Variants in GOLGA8S observed in about 807,000 individuals in gnomAD.
GOLGA8S encodes the protein golgin A8 family member S, also known as golgin subfamily A member 8S.
A neutral mutation model predicts 58.9 loss-of-function variants in GOLGA8S; 23 were observed. The observed-to-expected ratio is 0.39, with a 90% CI of 0.28 to 0.55. The LOEUF (loss-of-function observed/expected upper bound fraction) is 0.55. GOLGA8S is among the 20% of genes least tolerant of loss of function. The probability of loss-of-function intolerance (pLI) is 0.63; values close to 1 mark genes in which losing one functional copy is unlikely to be tolerated. For synonymous variants in GOLGA8S, 84 were observed against 195.7 expected, an observed-to-expected ratio of 0.43 and a Z score of 4.76; for missense variants, 266 against 514.2, an observed-to-expected ratio of 0.52 and a Z score of 4.67.
downstream of GOLGA8S, chr15:23,366,065 T>C (rs1286707112): frequency 6.6e-6 from 1 of 151,078 alleles, no homozygotes; most frequent in African/African-American, 2.4e-5. Flanking sequence ...TCATGTTACC[T>C]GTTTTAATCA....
At chr15:23,365,747 G>A (rs2141032114), downstream of GOLGA8S, 1 of 169,356 alleles carries the variant, frequency 5.9e-6, no homozygotes, top group African/African-American at 2.4e-5. Flanking sequence ...GAAACCTTTT[G>A]AGGGAGCTTT....
At chr15:23,364,995 G>T (rs1196868643) in exon 19 of GOLGA8S, 2 of 1,576,222 alleles carry the variant, frequency 1.3e-6, no homozygotes, top group Non-Finnish European at 1.7e-6. Context: ...TCTGCCCAAG[G>T]AGAGGCCAGG....
chr15:23,364,477 TACAGGGCC>T (rs2069874931), intron 16 of GOLGA8S, 34 bp downstream of exon 16: 1 of 1,605,058 alleles, frequency 6.2e-7, no homozygotes, highest in Non-Finnish European at 8.5e-7. Context: ...CAGGGGGAGC[TACAGGGCC>T]GTCGGAGGGG....
Position 23,360,712 on chromosome 15 carries a change from C to G in GOLGA8S, c.787-16C>G. The G allele has an allele frequency of 5.6e-6, 6 of 1,076,344 alleles. No homozygotes were observed. Among genetic ancestry groups the G allele is most frequent in the Non-Finnish European group, 8.7e-6 (6 of 692,982 alleles). The allele number at this position is 1,076,344 out of a possible 1,614,324, so 66.7% of individuals were successfully genotyped here. A position where few individuals can be genotyped will look rare whatever the true frequency, so the allele number is the denominator to read the frequency against. ...GCCCCTCTCTCCAGGGCCCTTTCCC[C>G]CTGTGCTTTGGGCAGGTTTGCTCGT... On this transcript the variant is annotated splice_polypyrimidine_tract_variant and intron_variant, in intron 10 of 18. Coordinates refer to ENST00000562295, the Ensembl canonical transcript of GOLGA8S.
chr15:23,365,338 G>A, downstream of GOLGA8S: 6 of 627,474 alleles, frequency 9.6e-6, 1 homozygote, highest in South Asian at 1.2e-4. Context: ...GTTCACTCTG[G>A]CATCCTTTAG....
chr15:23,360,736 G>A lies in GOLGA8S; in HGVS notation c.795G>A (p.Ser265=), dbSNP rs375110315. The A allele has an allele frequency of 4.6e-5, 50 of 1,098,660 alleles. 2 individuals are homozygous for A. Among genetic ancestry groups the A allele is most frequent in the East Asian group, 3.0e-4 (13 of 42,672 alleles). 68.1% of individuals were successfully genotyped at this position (1,098,660 alleles called of 1,614,324 possible). Reference sequence around the variant, plus strand: ...CCCTGTGCTTTGGGCAGGTTTGCTCGTTGAAGAAGGAGAAGAAGCATGATA... The same window carrying A: ...CCCTGTGCTTTGGGCAGGTTTGCTCATTGAAGAAGGAGAAGAAGCATGATA... The change falls in exon 11 of 19, where the codon TCG becomes TCA. Residue 265 remains serine, a synonymous_variant. Coordinates refer to ENST00000562295, the Ensembl canonical transcript of GOLGA8S.
chr15:23,361,068 G>A (rs528057098), intron 11 of GOLGA8S, among the ~76,000 whole-genome samples, 153 bp from the exon 12 acceptor site: 11 of 150,052 alleles, frequency 7.3e-5, no homozygotes, highest in East Asian at 5.8e-4. Flanking sequence ...ATCTGGGTGC[G>A]AGGAATCATT....
chr15:23,359,917 G>A (rs1176111609), intron 8 of GOLGA8S, among the ~76,000 whole-genome samples: 1 of 148,872 alleles, frequency 6.7e-6, no homozygotes, highest in Non-Finnish European at 1.5e-5. Context: ...CATGGTGGTT[G>A]TGAGGATTAA....
chr15:23,365,375 G>A (rs2069903324), downstream of GOLGA8S: 1 of 616,974 alleles, frequency 1.6e-6, no homozygotes, highest in Admixed American at 3.0e-5. Context: ...TTTCATAATT[G>A]TAGGTCATTA....
rs1219563247 is a variant in GOLGA8S, at chr15:23,364,498, C to T, written c.1449-28C>T. 3.1e-6 allele frequency: 5 copies of T among 1,605,160 alleles called. No individual in the cohort carries two copies. In the East Asian group the frequency reaches 1.1e-4, roughly 36 times the overall value. On this transcript the variant is annotated intron_variant, in intron 16 of 18. Transcript: ENST00000562295. ...GAGCTACAGGGCCGTCGGAGGGGCC[C>T]CAGCGTCTGAGCCCTGTCCTCCCGC... is the stretch of plus-strand genomic sequence containing the variant.
chr15:23,360,926 A>T (rs1479587347), intron 11 of GOLGA8S, 111 bp downstream of exon 11: 1 of 792,820 alleles, frequency 1.3e-6, no homozygotes, highest in African/African-American at 1.7e-5. Flanking sequence ...AGGCAGAGGG[A>T]AAGAGGTCTG....
chr15:23,361,105 G>C (rs1167606187), intron 11 of GOLGA8S, 116 bp from the exon 12 acceptor site: 15 of 988,778 alleles, frequency 1.5e-5, no homozygotes, highest in South Asian at 1.3e-4. Flanking sequence ...TTGAGGAGCC[G>C]GAGAGGAGCT....
chr15:23,357,837 G>A (rs1468452999), intron 4 of GOLGA8S, among the ~76,000 whole-genome samples: 1 of 150,068 alleles, frequency 6.7e-6, no homozygotes, highest in East Asian at 1.9e-4. Context: ...GCCCCTGCTC[G>A]AGTCCTTGCT....
At chr15:23,365,089 T>C in exon 19 of GOLGA8S, 1 of 1,583,292 alleles carries the variant, frequency 6.3e-7, no homozygotes, top group African/African-American at 1.4e-5. Context: ...ACAACTGCTG[T>C]GTGCCATTCT....
chr15:23,364,809 C>G lies in GOLGA8S; in HGVS notation c.1637C>G (p.Pro546Arg), dbSNP rs963667240. The G allele has an allele frequency of 2.0e-5, 30 of 1,518,050 alleles. No homozygotes were observed. The Admixed American group carries it at 4.8e-4, about 24-fold the overall frequency. The allele number at this position is 1,518,050 out of a possible 1,614,324, so 94.0% of individuals were successfully genotyped here. A position where few individuals can be genotyped will look rare whatever the true frequency, so the allele number is the denominator to read the frequency against. Residue 546 changes from proline (P) to arginine (R), a missense_variant, in exon 18 of 19, where the codon CCT becomes CGT. Transcript: ENST00000562295. ...AAATTCCTGGCCGCTGCCCACAACC[C>G]TGCTGATGAGCCCGGTCCAGGAGCC...
At position 23,360,620 on chromosome 15, in the gene GOLGA8S, G is replaced by A. The variant is rs1485249102; in HGVS notation, c.786+88G>A. The A allele has an allele frequency of 1.8e-5, 23 of 1,243,456 alleles. 2 individuals carry two copies. Among genetic ancestry groups the A allele is most frequent in the Middle Eastern group, 2.4e-4 (1 of 4,174 alleles). 77.0% of individuals were successfully genotyped at this position (1,243,456 alleles called of 1,614,324 possible). A position where few individuals can be genotyped will look rare whatever the true frequency, so the allele number is the denominator to read the frequency against. On this transcript the variant is annotated intron_variant, in intron 10 of 18. Coordinates refer to ENST00000562295, the Ensembl canonical transcript of GOLGA8S. Reference sequence around the variant, plus strand: ...TAAAATGGGAATAGTAGAGCCAGAGGTGGTCATGGGACTGGGCTTTGTGGA... The same window carrying A: ...TAAAATGGGAATAGTAGAGCCAGAGATGGTCATGGGACTGGGCTTTGTGGA...
chr15:23,368,049 T>C (rs1382416091), downstream of GOLGA8S, among the ~76,000 whole-genome samples: 1 of 151,958 alleles, frequency 6.6e-6, no homozygotes, highest in Non-Finnish European at 1.5e-5. Flanking sequence ...ATGTAACTGC[T>C]ATCTTAATGT....
chr15:23,359,995 T>C (rs1374472431), intron 8 of GOLGA8S, among the ~76,000 whole-genome samples: 2 of 149,650 alleles, frequency 1.3e-5, no homozygotes, highest in African/African-American at 2.5e-5. Context: ...ATAATAACAG[T>C]AATAACAACA....
Position 23,359,393 on chromosome 15 carries a change from G to A in GOLGA8S, c.591+184G>A, listed in dbSNP as rs565559684. ...GAGTCAGCTGCTGTGGGTGAGTTGGGGGGCACTCTGGGGACAAAGCACAGG... is the reference window on the plus strand; with the variant it reads ...GAGTCAGCTGCTGTGGGTGAGTTGGAGGGCACTCTGGGGACAAAGCACAGG... On this transcript the variant is annotated intron_variant, in intron 8 of 18. Transcript: ENST00000562295. Among the ~76,000 whole-genome samples the A allele has an allele frequency of 1.4e-4, 20 of 146,240 alleles. 2 individuals carry two copies. Among genetic ancestry groups the A allele is most frequent in the Non-Finnish European group, 2.7e-4 (18 of 66,036 alleles).
Sources: gnomAD v4.1 joint callset for allele counts (sites outside exome capture counted in the v4.1 genomes callset) on GRCh38, gnomAD v4.1.1 for gene constraint, MANE v1.5 for transcripts, NCBI Gene and HGNC (gene_info 2026-07-23, HGNC 2026-07-21) for gene names.